The following ERCC5 variants were observed in gnomAD, a reference collection of about 807,000 sequenced individuals.
ERCC5 encodes the protein DNA excision repair protein ERCC-5.
A neutral mutation model predicts 105.6 loss-of-function variants in ERCC5; 68 were observed. The ratio of observed to expected loss-of-function variants is 0.64; its 90% confidence interval spans 0.53 to 0.79. The LOEUF (loss-of-function observed/expected upper bound fraction) is 0.79, where lower values mean the gene tolerates loss of function less well. Ranked by LOEUF, ERCC5 falls within the 30% of genes least tolerant of loss-of-function variation. The pLI, the probability that ERCC5 is intolerant of heterozygous loss-of-function variation, is 0.00. For synonymous variants in ERCC5, 546 were observed against 526.2 expected (o/e 1.04, Z -0.51); for missense variants, 1,373 against 1,426.7 (o/e 0.96, Z 0.61).
chr13:102,863,073 G>A lies in ERCC5; in HGVS notation c.1924G>A (p.Glu642Lys). The change falls in exon 8 of 15, where the codon GAA (glutamate) becomes AAA (lysine). Residue 642 changes from glutamate to lysine, a missense_variant. Glu to Lys is a moderately conservative substitution (Grantham distance 56). Coordinates refer to ENST00000652225, the MANE Select transcript of ERCC5 (RefSeq NM_000123.4). ...ISIPKAVEPM[E>K]IDSEESESDG... ...CATTCCAAAGGCCGTGGAACCAATG[G>A]AAATTGACTCGGAAGAAAGTGAATC... 6.2e-7 allele frequency: 1 copy of A among 1,614,056 alleles called. No homozygotes were observed. Among genetic ancestry groups the A allele is most frequent in the South Asian group, 1.1e-5 (1 of 91,082 alleles).
intron 5 of ERCC5, among the ~76,000 whole-genome samples, chr13:102,857,293 C>A (rs140876482): frequency 6.6e-6 from 1 of 152,162 alleles, no homozygotes; most frequent in African/African-American, 2.4e-5. Context: ...AAAAGACCTG[C>A]GTTTCAGTCC....
intron 2 of ERCC5, 35 bp from the exon 3 acceptor site, chr13:102,853,722 C>T (rs368957207): frequency 1.9e-6 from 3 of 1,597,088 alleles, no homozygotes; most frequent in Non-Finnish European, 8.6e-7. Flanking sequence ...GGTCTAATAT[C>T]CTGAAGTGAG....
chr13:102,855,957 T>G (rs1268903724), intron 4 of ERCC5, 95 bp from the exon 5 acceptor site: 21 of 1,251,742 alleles, frequency 1.7e-5, no homozygotes, highest in Admixed American at 5.2e-5. Flanking sequence ...TATTCACCAC[T>G]GTAGCCCGTA....
At chr13:102,871,265 G>T (rs1883022131) in intron 12 of ERCC5, among the ~76,000 whole-genome samples, 1 of 152,222 alleles carries the variant, frequency 6.6e-6, no homozygotes, top group Non-Finnish European at 1.5e-5. Context: ...GCCTGGCACG[G>T]CTTGAGTCAC....
At position 102,873,315 on chromosome 13, in the gene ERCC5, C is replaced by A; in HGVS notation, c.2936C>A (p.Pro979His). ...NRTKTDESLF[P>H]VLKQLDAQQT... is the part of the protein sequence containing the mutation. ...ACGAAGACAGATGAATCTCTGTTTCCTGTATTAAAGCAACTCGATGCCCAG... is the reference window on the plus strand; with the variant it reads ...ACGAAGACAGATGAATCTCTGTTTCATGTATTAAAGCAACTCGATGCCCAG... Residue 979 changes from proline to histidine, a missense_variant, in exon 14 of 15, where the codon CCT (proline) becomes CAT (histidine). Pro to His is a moderately conservative substitution (Grantham distance 77). Coordinates refer to ENST00000652225, the MANE Select transcript of ERCC5 (RefSeq NM_000123.4). 2 of 1,614,046 alleles carry A rather than the reference C, an allele frequency of 1.2e-6. No homozygotes were observed. The highest frequency in any genetic ancestry group is 1.7e-6 in the Non-Finnish European group (2 of 1,179,988).
intron 8 of ERCC5, among the ~76,000 whole-genome samples, chr13:102,864,143 C>T (rs1439937953): frequency 6.7e-6 from 1 of 148,846 alleles, no homozygotes; most frequent in Non-Finnish European, 1.5e-5. Context: ...CACACACACA[C>T]ACACACACAC....
intron 1 of ERCC5, 72 bp from the exon 2 acceptor site, chr13:102,852,046 G>A: frequency 5.2e-6 from 8 of 1,533,504 alleles, no homozygotes; most frequent in Non-Finnish European, 7.2e-6. Flanking sequence ...GATAATATCA[G>A]TTATTAGGAA....
Position 102,847,297 on chromosome 13 carries a change from A to ATTTTTTTTTT in ERCC5, c.88+950_88+959dup, listed in dbSNP as rs35223521. ...TTATCTTTTTCTTTGTTATGTAGTC[A>ATTTTTTTTTT]TTTTTTTTTTTTTTTTGAGTATCTA... On this transcript the variant is annotated intron_variant, in intron 1 of 14. Transcript: ENST00000652225. Among the ~76,000 whole-genome samples, 3 of 139,446 alleles carry ATTTTTTTTTT rather than the reference A, an allele frequency of 2.2e-5. 1 individual carries two copies. The highest frequency in any genetic ancestry group is 3.1e-5 in the Non-Finnish European group (2 of 64,218). The allele number at this position is 139,446 out of a possible 152,430, so 91.5% of individuals were successfully genotyped here.
chr13:102,846,256 G>A lies in ERCC5; in HGVS notation c.-11G>A, dbSNP rs763115659. On this transcript the variant is annotated 5_prime_UTR_variant, in exon 1 of 15. Coordinates refer to ENST00000652225, the MANE Select transcript of ERCC5 (RefSeq NM_000123.4). ...AGTTGTCGGGGTCCGCTCTTAGGACGCAGCCGCCTCATGGGGGTCCAGGGG... is the reference window on the plus strand; with the variant it reads ...AGTTGTCGGGGTCCGCTCTTAGGACACAGCCGCCTCATGGGGGTCCAGGGG... 1.9e-6 allele frequency: 3 copies of A among 1,610,962 alleles called. No homozygotes were observed. The highest frequency in any genetic ancestry group is 2.5e-6 in the Non-Finnish European group (3 of 1,178,212).
At chr13:102,857,289 C>A (rs1882461271) in intron 5 of ERCC5, among the ~76,000 whole-genome samples, 1 of 152,190 alleles carries the variant, frequency 6.6e-6, no homozygotes, top group Non-Finnish European at 1.5e-5. Flanking sequence ...GTCAAAAAGA[C>A]CTGCGTTTCA....
chr13:102,873,331 C>T lies in ERCC5; in HGVS notation c.2952C>T (p.Leu984=), dbSNP rs199962177. The T allele has an allele frequency of 2.7e-5, 43 of 1,614,086 alleles. No individual in the cohort carries two copies. The East Asian group carries it at 3.3e-4, about 13-fold the overall frequency. ...DESLFPVLKQ[L]DAQQTQLRID... is the part of the protein sequence containing the mutation. ...CTCTGTTTCCTGTATTAAAGCAACT[C>T]GATGCCCAGCAGGTAATCATGGTGG... The change falls in exon 14 of 15, where the codon CTC becomes CTT. Residue 984 remains leucine (L), a synonymous_variant. Transcript: ENST00000652225.
chr13:102,858,364 T>C lies in ERCC5; in HGVS notation c.618T>C (p.Thr206=). ...LPPEVKHEIL[T]DMKEFTKRRR... Reference sequence around the variant, plus strand: ...CTGAAGTAAAGCATGAAATCTTGACTGATATGAAAGAGTTCACCAAGCGCA... The same window carrying C: ...CTGAAGTAAAGCATGAAATCTTGACCGATATGAAAGAGTTCACCAAGCGCA... Residue 206 remains threonine (T), a synonymous_variant, in exon 6 of 15, where the codon ACT becomes ACC. Transcript: ENST00000652225. 6.2e-7 allele frequency: 1 copy of C among 1,614,146 alleles called. No homozygotes were observed. Among genetic ancestry groups the C allele is most frequent in the East Asian group, 2.2e-5 (1 of 44,860 alleles).
intron 9 of ERCC5, 156 bp from the exon 10 acceptor site, chr13:102,866,106 A>G: frequency 1.4e-6 from 2 of 1,451,260 alleles, no homozygotes; most frequent in Non-Finnish European, 1.9e-6. Flanking sequence ...ATGAATCTCT[A>G]AAGATATTAC....
chr13:102,863,791 G>T (rs1180792367), intron 8 of ERCC5, among the ~76,000 whole-genome samples: 1 of 152,108 alleles, frequency 6.6e-6, no homozygotes, highest in African/African-American at 2.4e-5. Flanking sequence ...GACAGTAGGG[G>T]ATTATGCAAT....
Position 102,862,669 on chromosome 13 carries a change from T to C in ERCC5, c.1520T>C (p.Val507Ala), listed in dbSNP as rs1566469019. The change falls in exon 8 of 15, where the codon GTG (valine) becomes GCG (alanine). Residue 507 changes from valine (V) to alanine (A), a missense_variant. This residue lies in a region of ERCC5 where 1,004 missense variants were observed against 1,059.7 expected (regional missense o/e 0.95). Transcript: ENST00000652225. ...GATCGGCTGCCTCTGGAGAGTGCAG[T>C]GGTTAGACATAGTGACGCACCTGGG... ...RKDRLPLESA[V>A]VRHSDAPGLP... is the part of the protein sequence containing the mutation. 1 of 1,614,122 alleles carries C rather than the reference T, an allele frequency of 6.2e-7. No individual in the cohort carries two copies. Among genetic ancestry groups the C allele is most frequent in the Non-Finnish European group, 8.5e-7 (1 of 1,180,008 alleles).
At position 102,862,142 on chromosome 13, in the gene ERCC5, A is replaced by G. The variant is rs1882645460; in HGVS notation, c.993A>G (p.Thr331=). The change falls in exon 8 of 15, where the codon ACA becomes ACG. Residue 331 remains threonine, a synonymous_variant. Transcript: ENST00000652225. ...VKSSPCEKLK[T]EKEPDATPPS... ...CATCTCCATGTGAAAAACTGAAGAC[A>G]GAGAAAGAGCCTGATGCTACCCCTC... is the stretch of plus-strand genomic sequence containing the variant. 1 of 1,614,216 alleles carries G rather than the reference A, an allele frequency of 6.2e-7. No individual in the cohort carries two copies. Among genetic ancestry groups the G allele is most frequent in the Non-Finnish European group, 8.5e-7 (1 of 1,180,012 alleles).
Position 102,854,392 on chromosome 13 carries a change from T to C in ERCC5, c.467+18T>C. 2 of 1,610,082 alleles carry C rather than the reference T, an allele frequency of 1.2e-6. No individual in the cohort carries two copies. The highest frequency in any genetic ancestry group is 1.7e-5 in the Admixed American group (1 of 60,030). ...AAACACAGGTAAATGTTTAACTATT[T>C]AAGAATATTATTTTAGTCATTGCTA... is the stretch of plus-strand genomic sequence containing the variant. On this transcript the variant is annotated intron_variant, in intron 4 of 14. Coordinates refer to ENST00000652225, the MANE Select transcript of ERCC5 (RefSeq NM_000123.4).
intron 12 of ERCC5, among the ~76,000 whole-genome samples, chr13:102,869,581 A>C (rs1882966950): frequency 6.6e-6 from 1 of 152,174 alleles, no homozygotes; most frequent in African/African-American, 2.4e-5. Flanking sequence ...TGGTATTAGA[A>C]CAAGACCTAT....
chr13:102,873,227 T>C (rs1883091243), intron 13 of ERCC5, 32 bp from the exon 14 acceptor site: 1 of 1,613,196 alleles, frequency 6.2e-7, no homozygotes, highest in Non-Finnish European at 8.5e-7. Flanking sequence ...TAAATATCTT[T>C]CAAAATATTT....
Sources: gnomAD v4.1 joint callset for allele counts (sites outside exome capture counted in the v4.1 genomes callset) on GRCh38, gnomAD v4.1.1 for gene constraint, gnomAD v4.1.1 regional missense constraint, MANE v1.5 for transcripts, NCBI Gene and HGNC (gene_info 2026-07-23, HGNC 2026-07-21) for gene names.